KCNIP4: variants seen among roughly 807,000 people sequenced by gnomAD.
The protein encoded by KCNIP4 is potassium voltage-gated channel interacting protein 4.
Under a neutral mutation model 34.0 loss-of-function variants are expected in KCNIP4, and 12 were observed. That is an observed-to-expected ratio of 0.35 (90% confidence interval 0.23 to 0.57). The LOEUF (loss-of-function observed/expected upper bound fraction) is 0.57. KCNIP4 is among the 20% of genes least tolerant of loss of function. The pLI is 0.83. For synonymous variants in KCNIP4, 124 were observed against 102.2 expected (o/e 1.21, Z -1.29); for missense variants, 238 against 311.7 (o/e 0.76, Z 1.78).
chr4:21,304,302 C>G (rs1712178960), intron 1 of KCNIP4, among the ~76,000 whole-genome samples: 2 of 152,320 alleles, frequency 1.3e-5, no homozygotes, highest in Admixed American at 6.5e-5. Flanking sequence ...CACAGAGAGA[C>G]AGCCACGCAT....
intron 2 of KCNIP4, among the ~76,000 whole-genome samples, chr4:20,879,543 A>G (rs1265010948): frequency 6.6e-6 from 1 of 152,228 alleles, no homozygotes. Flanking sequence ...AAAATGAGAA[A>G]TACATTTAAT....
intron 1 of KCNIP4, among the ~76,000 whole-genome samples, chr4:20,902,043 A>G (rs1727209377): frequency 6.6e-6 from 1 of 152,170 alleles, no homozygotes; most frequent in Non-Finnish European, 1.5e-5. Flanking sequence ...CTTCCAGTGA[A>G]TTATCCCACA....
At chr4:21,759,694 A>C (rs1237959071) in intron 1 of KCNIP4, among the ~76,000 whole-genome samples, 1 of 152,130 alleles carries the variant, frequency 6.6e-6, no homozygotes, top group East Asian at 1.9e-4. Context: ...ACTTCAGGGC[A>C]GTCTGAAGTC....
At chr4:21,692,826 C>CTTT (rs1711804170) in intron 1 of KCNIP4, among the ~76,000 whole-genome samples, 4 of 114,956 alleles carry the variant, frequency 3.5e-5, no homozygotes, top group African/African-American at 1.5e-4. Context: ...AAAATCCTGT[C>CTTT]ATTTTTTTTT....
chr4:20,779,650 A>T (rs941604633), intron 3 of KCNIP4, among the ~76,000 whole-genome samples: 1 of 145,838 alleles, frequency 6.9e-6, no homozygotes, highest in African/African-American at 2.5e-5. Context: ...GATCTCTATA[A>T]GGAGAGATTA....
rs987838517 is a variant in KCNIP4, at chr4:21,148,142, G to A, written c.62-265433C>T. ...ACTGCTGCCTAATGGCTTAACCTTT[G>A]ATGTAATGATTTTCGCTCAGTAGCT... On this transcript the variant is annotated intron_variant, in intron 1 of 8. Coordinates refer to ENST00000382152, the MANE Select transcript of KCNIP4 (RefSeq NM_025221.6). Among the ~76,000 whole-genome samples, 30 of 152,106 alleles carry A rather than the reference G, an allele frequency of 2.0e-4. No individual in the cohort carries two copies. The South Asian group carries it at 2.1e-3, about 11-fold the overall frequency.
At chr4:21,726,920 A>G (rs1027753613) in intron 1 of KCNIP4, among the ~76,000 whole-genome samples, 6 of 152,176 alleles carry the variant, frequency 3.9e-5, no homozygotes, top group African/African-American at 1.4e-4. Flanking sequence ...TTCTTCCATT[A>G]TTATGAGGGG....
At chr4:21,885,120 T>C (rs138087260) in intron 1 of KCNIP4, among the ~76,000 whole-genome samples, 1 of 152,126 alleles carries the variant, frequency 6.6e-6, no homozygotes, top group Non-Finnish European at 1.5e-5. Flanking sequence ...ATGGCATCTC[T>C]AGTACTTTCT....
Position 20,881,014 on chromosome 4 carries a change from A to G in KCNIP4, c.163+1594T>C, listed in dbSNP as rs576690900. Among the ~76,000 whole-genome samples, 10 of 152,350 alleles carry G rather than the reference A, an allele frequency of 6.6e-5. 2 individuals carry two copies. Among genetic ancestry groups the G allele is most frequent in the Admixed American group, 6.5e-4 (10 of 15,300 alleles). On this transcript the variant is annotated intron_variant, in intron 2 of 8. Coordinates refer to ENST00000382152, the MANE Select transcript of KCNIP4 (RefSeq NM_025221.6). ...ATTTAGTTCTGCCTCCTCTCCCCACAGAATATAATGTAAGCTCTAATAGAA... is the reference window on the plus strand; with the variant it reads ...ATTTAGTTCTGCCTCCTCTCCCCACGGAATATAATGTAAGCTCTAATAGAA...
chr4:21,225,940 T>A (rs1758348894), intron 1 of KCNIP4, among the ~76,000 whole-genome samples: 1 of 152,046 alleles, frequency 6.6e-6, no homozygotes, highest in Non-Finnish European at 1.5e-5. Context: ...CCCCTGCTCA[T>A]GCAAAAAGCT....
intron 1 of KCNIP4, among the ~76,000 whole-genome samples, chr4:21,131,609 C>CAAAAA (rs1751079401): frequency 6.6e-6 from 1 of 151,714 alleles, no homozygotes; most frequent in Non-Finnish European, 1.5e-5. Context: ...GACTCAGTCT[C>CAAAAA]AAAACAAAAA....
At chr4:21,836,807 A>T (rs1723349873) in intron 1 of KCNIP4, among the ~76,000 whole-genome samples, 3 of 152,066 alleles carry the variant, frequency 2.0e-5, no homozygotes, top group Non-Finnish European at 4.4e-5. Context: ...GACAACTGAG[A>T]TATATTAATG....
intron 1 of KCNIP4, among the ~76,000 whole-genome samples, chr4:21,720,013 A>AAGAAGAAGGAGAAGGAGAAGG (rs1553924606): frequency 2.6e-4 from 34 of 131,246 alleles, no homozygotes; most frequent in African/African-American, 1.1e-3. Flanking sequence ...AAAGAAGAAG[A>AAGAAGAAGGAGAAGGAGAAGG]AGAAGGAGAA....
chr4:20,812,387 T>G (rs534850352), intron 3 of KCNIP4, among the ~76,000 whole-genome samples: 55 of 152,118 alleles, frequency 3.6e-4, no homozygotes, highest in African/African-American at 1.3e-3. Context: ...AGAGGATGGA[T>G]GGCTACACGA....
At chr4:21,280,860 C>T (rs562721613) in intron 1 of KCNIP4, among the ~76,000 whole-genome samples, 31 of 152,172 alleles carry the variant, frequency 2.0e-4, no homozygotes, top group African/African-American at 7.5e-4. Flanking sequence ...TTTATGTGGG[C>T]CATAGTGGTT....
chr4:21,072,774 T>A (rs1177839346), intron 1 of KCNIP4, among the ~76,000 whole-genome samples: 2 of 152,202 alleles, frequency 1.3e-5, no homozygotes, highest in Non-Finnish European at 2.9e-5. Context: ...TTTTTATGGT[T>A]TTGGGTCTAA....
At chr4:21,758,752 G>T (rs1560693003) in intron 1 of KCNIP4, among the ~76,000 whole-genome samples, 1 of 152,124 alleles carries the variant, frequency 6.6e-6, no homozygotes, top group Non-Finnish European at 1.5e-5. Flanking sequence ...TATATGGGCT[G>T]CTTCTGCCAG....
At chr4:21,460,467 A>C (rs1399765359) in intron 1 of KCNIP4, among the ~76,000 whole-genome samples, 1 of 151,994 alleles carries the variant, frequency 6.6e-6, no homozygotes, top group Non-Finnish European at 1.5e-5. Flanking sequence ...AAACAACAGG[A>C]ATTTATTTCT....
At chr4:21,214,008 A>C (rs1757399829) in intron 1 of KCNIP4, among the ~76,000 whole-genome samples, 1 of 152,192 alleles carries the variant, frequency 6.6e-6, no homozygotes, top group Non-Finnish European at 1.5e-5. Flanking sequence ...CTCTGCAATG[A>C]ATGACTGGGT....
Sources: gnomAD v4.1 joint callset for allele counts (sites outside exome capture counted in the v4.1 genomes callset) on GRCh38, gnomAD v4.1.1 for gene constraint, MANE v1.5 for transcripts, NCBI Gene and HGNC (gene_info 2026-07-23, HGNC 2026-07-21) for gene names.